Variants in RABGAP1 observed in about 807,000 individuals in gnomAD.
RABGAP1 encodes RAB GTPase activating protein 1, also known as rab GTPase-activating protein 1.
A neutral mutation model predicts 137.6 loss-of-function variants in RABGAP1; 23 were observed. That is an observed-to-expected ratio of 0.17 (90% CI 0.12 to 0.24). The LOEUF is 0.24. RABGAP1 is among the 10% of genes least tolerant of loss of function. The probability of loss-of-function intolerance (pLI) is 1.00; values close to 1 mark genes in which losing one functional copy is unlikely to be tolerated. For missense variants in RABGAP1, 906 were observed against 1,275.8 expected (o/e 0.71, Z 4.42); for synonymous variants, 451 against 450.7 (o/e 1.00, Z -0.01).
In RABGAP1 at chr9:123,098,765, A is replaced by C. The variant is rs757108243; in HGVS notation, c.2784A>C (p.Lys928Asn). 3 of 1,613,944 alleles carry C rather than the reference A, an allele frequency of 1.9e-6. No individual in the cohort carries two copies. Among genetic ancestry groups the C allele is most frequent in the Non-Finnish European group, 2.5e-6 (3 of 1,179,912 alleles). ...RELDKAESEI[K>N]KNSSIIGDYK... The stretch of plus-strand genomic sequence containing the variant: ...TCGACAAGGCAGAATCTGAGATTAA[A>C]AAAAACAGTTCTATCATTGGTGACT... Residue 928 changes from lysine (K) to asparagine (N), a missense_variant, in exon 23 of 26, where the codon AAA becomes AAC. Lys to Asn is a moderately conservative substitution (Grantham distance 94). Around this residue, in one of 9 missense-constraint regions of RABGAP1, gnomAD observed 193 missense variants for 248.1 expected, o/e 0.78. Transcript: ENST00000373647.
chr9:123,050,632 G>A (rs746593652), intron 13 of RABGAP1, among the ~76,000 whole-genome samples: 4 of 152,192 alleles, frequency 2.6e-5, no homozygotes, highest in Non-Finnish European at 4.4e-5. Flanking sequence ...CCCACCAATC[G>A]ATACCTATTT....
rs1376572208 is a variant in RABGAP1, at chr9:123,103,455, C to T, written c.*242C>T. On this transcript the variant is annotated 3_prime_UTR_variant, in exon 26 of 26. Transcript: ENST00000373647. The stretch of plus-strand genomic sequence containing the variant: ...TCTGGACACTCTAGAAATCACTCCT[C>T]AGTGTGACCTCCCAGGCCTCTTCCC... 2.5e-6 allele frequency: 1 copy of T among 400,996 alleles called. No individual in the cohort carries two copies. The highest frequency in any genetic ancestry group is 4.4e-6 in the Non-Finnish European group (1 of 227,692). 24.8% of individuals were successfully genotyped at this position (400,996 alleles called of 1,614,324 possible).
chr9:122,951,115 T>C (rs187220238), intron 1 of RABGAP1, among the ~76,000 whole-genome samples: 28 of 152,280 alleles, frequency 1.8e-4, no homozygotes, highest in East Asian at 7.7e-4. Flanking sequence ...GGGAGTTCCA[T>C]TGAAGTGGTA....
rs577360900 is a variant in RABGAP1, at chr9:123,004,148, G to A, written c.1374+5382G>A. Reference sequence around the variant, plus strand: ...AGGTGTGTGATATTAGGTTGTTCCAGTATTTCTGATGGGAAGTGTGATCAC... The same window carrying A: ...AGGTGTGTGATATTAGGTTGTTCCAATATTTCTGATGGGAAGTGTGATCAC... On this transcript the variant is annotated intron_variant, in intron 10 of 25. Transcript: ENST00000373647. Among the ~76,000 whole-genome samples, 5 of 152,322 alleles carry A rather than the reference G, an allele frequency of 3.3e-5. No homozygotes were observed. The South Asian group carries it at 1.0e-3, about 32-fold the overall frequency.
chr9:123,050,720 C>G lies in RABGAP1; in HGVS notation c.1795-14628C>G, dbSNP rs200098726. Among the ~76,000 whole-genome samples the G allele has an allele frequency of 2.0e-5, 3 of 152,222 alleles. No homozygotes were observed. In the East Asian group the frequency reaches 5.8e-4, roughly 29 times the overall value. ...GTTTGATACAAATATACTATAATTC[C>G]TATTACTGATATACAGGCTATGAGG... On this transcript the variant is annotated intron_variant, in intron 13 of 25. Transcript: ENST00000373647.
chr9:122,945,146 G>GTTTTTTTTTTTTTTTTTT (rs1564348056), intron 1 of RABGAP1, among the ~76,000 whole-genome samples: 17 of 9,170 alleles, frequency 1.9e-3, no homozygotes, highest in South Asian at 0.015. Context: ...CATAGCTGTT[G>GTTTTTTTTTTTTTTTTTT]CTTTTTTTTT....
chr9:122,950,838 TGAAAA>T (rs1202521446), intron 1 of RABGAP1, among the ~76,000 whole-genome samples: 1 of 152,080 alleles, frequency 6.6e-6, no homozygotes, highest in Non-Finnish European at 1.5e-5. Flanking sequence ...AGATAGCCAG[TGAAAA>T]GAAGGACGAT....
intron 13 of RABGAP1, among the ~76,000 whole-genome samples, chr9:123,026,013 T>G (rs2031941515): frequency 6.6e-6 from 1 of 151,494 alleles, no homozygotes; most frequent in Non-Finnish European, 1.5e-5. Context: ...TTCTTTTTTT[T>G]TTTTTTTTTT....
At chr9:123,042,387 G>A (rs1417298793) in intron 13 of RABGAP1, among the ~76,000 whole-genome samples, 2 of 152,086 alleles carry the variant, frequency 1.3e-5, no homozygotes, top group African/African-American at 4.8e-5. Context: ...AAAGTACAGA[G>A]CCCAAAACAA....
rs776810427 is a variant in RABGAP1 at position 123,010,479 on chromosome 9, A to T, written c.1500A>T (p.Gly500=). The T allele has an allele frequency of 6.2e-7, 1 of 1,613,998 alleles. No homozygotes were observed. Among genetic ancestry groups the T allele is most frequent in the African/African-American group, 1.3e-5 (1 of 75,054 alleles). The change falls in exon 11 of 26, where the codon GGA becomes GGT. Residue 500 remains glycine, a synonymous_variant. Transcript: ENST00000373647. ...CTTCAGTTCGCCTGCCACAGTCTGG[A>T]TCGCAAAGTTCAGTGATACCTTCTC... The part of the protein sequence containing the change: ...ASPSVRLPQS[G]SQSSVIPSPP...
At chr9:123,038,799 C>T (rs1435967898) in intron 13 of RABGAP1, among the ~76,000 whole-genome samples, 1 of 151,528 alleles carries the variant, frequency 6.6e-6, no homozygotes, top group Non-Finnish European at 1.5e-5. Flanking sequence ...ATATTGTAGA[C>T]ATTTCTTATG....
chr9:122,982,668 C>T (rs1395368804), intron 2 of RABGAP1, among the ~76,000 whole-genome samples: 2 of 152,088 alleles, frequency 1.3e-5, no homozygotes, highest in African/African-American at 2.4e-5. Context: ...GCAGGTGATA[C>T]AGTATTTCTT....
Position 123,070,011 on chromosome 9 carries a change from A to C in RABGAP1, c.1909-339A>C, listed in dbSNP as rs745694223. Among the ~76,000 whole-genome samples, 2 of 152,198 alleles carry C rather than the reference A, an allele frequency of 1.3e-5. No individual in the cohort carries two copies. Among genetic ancestry groups the C allele is most frequent in the Non-Finnish European group, 2.9e-5 (2 of 68,028 alleles). ...TTGAAATAAGTTTGGTGCCTGAAGGAAGAGTGCATGTTTGAGGCAGAGAGG... is the reference window on the plus strand; with the variant it reads ...TTGAAATAAGTTTGGTGCCTGAAGGCAGAGTGCATGTTTGAGGCAGAGAGG... On this transcript the variant is annotated intron_variant, in intron 14 of 25. Coordinates refer to ENST00000373647, the MANE Select transcript of RABGAP1 (RefSeq NM_012197.4). This position sits in a 1 kb window ranked among gnomAD's most constrained non-coding sequence, Gnocchi z 4.4.
chr9:123,069,382 G>A lies in RABGAP1; in HGVS notation c.1909-968G>A, dbSNP rs181721803. Among the ~76,000 whole-genome samples, 313 of 152,268 alleles carry A rather than the reference G, an allele frequency of 2.1e-3. 4 individuals are homozygous for A. The highest frequency in any genetic ancestry group is 6.9e-3 in the African/African-American group (287 of 41,560). ...GTATATGAGGTGCTGACTCAAGGTT[G>A]AATAGAACATCACCCTGTCCCTCAC... is the stretch of plus-strand genomic sequence containing the variant. On this transcript the variant is annotated intron_variant, in intron 14 of 25. Coordinates refer to ENST00000373647, the MANE Select transcript of RABGAP1 (RefSeq NM_012197.4).
intron 1 of RABGAP1, among the ~76,000 whole-genome samples, chr9:122,950,572 CTGTTA>C (rs1834190915): frequency 6.6e-6 from 1 of 151,958 alleles, no homozygotes; most frequent in Non-Finnish European, 1.5e-5. Context: ...TTACACACCT[CTGTTA>C]TAACAAGCAC....
At chr9:123,023,398 C>G (rs956950996) in intron 13 of RABGAP1, among the ~76,000 whole-genome samples, 8 of 152,142 alleles carry the variant, frequency 5.3e-5, no homozygotes, top group Admixed American at 5.2e-4. Flanking sequence ...CTAGGCTCGT[C>G]TCGAACTCCT....
chr9:123,090,489 A>C, intron 21 of RABGAP1, 104 bp downstream of exon 21: 1 of 882,966 alleles, frequency 1.1e-6, no homozygotes, highest in Non-Finnish European at 1.7e-6. Flanking sequence ...GCCACCTGTA[A>C]AGTTTCCCGC....
intron 1 of RABGAP1, among the ~76,000 whole-genome samples, chr9:122,947,795 C>G (rs1834019997): frequency 6.6e-6 from 1 of 152,070 alleles, no homozygotes; most frequent in African/African-American, 2.4e-5. Flanking sequence ...AATCAGAAAG[C>G]TTAAATTATT....
intron 6 of RABGAP1, among the ~76,000 whole-genome samples, chr9:122,995,381 T>C (rs963201950): frequency 6.6e-6 from 1 of 152,180 alleles, no homozygotes; most frequent in East Asian, 1.9e-4. Flanking sequence ...TAATAATCTA[T>C]CTGTAAAGCC....
Sources: gnomAD v4.1 joint callset for allele counts (sites outside exome capture counted in the v4.1 genomes callset) on GRCh38, gnomAD v4.1.1 for gene constraint, gnomAD v4.1.1 regional missense constraint, Gnocchi (gnomAD v3.1) non-coding constraint, MANE v1.5 for transcripts, NCBI Gene and HGNC (gene_info 2026-07-23, HGNC 2026-07-21) for gene names.